Variants in CREM observed in about 807,000 individuals in gnomAD.
CREM encodes cAMP responsive element modulator.
Under a neutral mutation model 37.3 loss-of-function variants are expected in CREM, and 13 were observed. The observed-to-expected ratio is 0.35, with a 90% CI of 0.23 to 0.55. CREM has a LOEUF of 0.55. Among genes scored for constraint, CREM ranks in the 20% least tolerant of loss-of-function variants. The pLI is 0.88. For missense variants in CREM, 296 were observed against 362.3 expected (o/e 0.82, Z 1.49); for synonymous variants, 124 against 120.2 (o/e 1.03, Z -0.21).
chr10:35,196,212 T>C (rs914435507), intron 6 of CREM: 16 of 1,053,484 alleles, frequency 1.5e-5, no homozygotes, highest in Non-Finnish European at 2.2e-5. Context: ...TTACTCCATC[T>C]ATAGGAACTT....
At chr10:35,170,029 C>G (rs546820166) in intron 3 of CREM, among the ~76,000 whole-genome samples, 1 of 144,792 alleles carries the variant, frequency 6.9e-6, no homozygotes, top group South Asian at 2.4e-4. Flanking sequence ...GTGGCATGAT[C>G]TTCGCTCACT....
chr10:35,199,708 G>A (rs575098670), intron 6 of CREM, among the ~76,000 whole-genome samples: 1 of 152,200 alleles, frequency 6.6e-6, no homozygotes, highest in East Asian at 1.9e-4. Flanking sequence ...AGCAAGTAGT[G>A]GACCCGTTCG....
chr10:35,188,956 G>A (rs2094781420), intron 6 of CREM, among the ~76,000 whole-genome samples: 1 of 152,078 alleles, frequency 6.6e-6, no homozygotes, highest in Non-Finnish European at 1.5e-5. Flanking sequence ...TTACAGACGT[G>A]AGCCACCGCA....
chr10:35,128,439 T>C (rs1057228539), intron 1 of CREM, among the ~76,000 whole-genome samples: 9 of 152,184 alleles, frequency 5.9e-5, no homozygotes, highest in Non-Finnish European at 8.8e-5. Context: ...GCTGTGAACA[T>C]TGCATCAGAT....
At chr10:35,197,411 TTTTACTTTA>T (rs1162637199) in intron 6 of CREM, among the ~76,000 whole-genome samples, 1 of 148,558 alleles carries the variant, frequency 6.7e-6, no homozygotes, top group African/African-American at 2.5e-5. Context: ...TTTTATTTCA[TTTTACTTTA>T]TTTATTTATT....
chr10:35,184,387 C>T (rs528978549), intron 5 of CREM, among the ~76,000 whole-genome samples: 1 of 152,284 alleles, frequency 6.6e-6, no homozygotes, highest in East Asian at 1.9e-4. Context: ...ACAGTTTTCT[C>T]CTCAAATCTC....
intron 7 of CREM, among the ~76,000 whole-genome samples, chr10:35,209,633 A>T (rs1384791036): frequency 6.6e-6 from 1 of 152,204 alleles, no homozygotes. Flanking sequence ...TAGGTCTTTA[A>T]ATTTTTCATT....
intron 5 of CREM, among the ~76,000 whole-genome samples, chr10:35,187,697 GTTT>G (rs1300977271): frequency 6.6e-6 from 1 of 151,660 alleles, no homozygotes; most frequent in East Asian, 2.0e-4. Context: ...TAGAGACAGG[GTTT>G]TCCTGTGTTG....
chr10:35,192,084 T>A (rs2094941585), intron 6 of CREM, among the ~76,000 whole-genome samples: 2 of 152,194 alleles, frequency 1.3e-5, no homozygotes, highest in African/African-American at 4.8e-5. Flanking sequence ...GCCTGGGTGC[T>A]ATCCCTCTGA....
chr10:35,183,122 G>GT (rs755926554), intron 5 of CREM, among the ~76,000 whole-genome samples: 4 of 151,980 alleles, frequency 2.6e-5, no homozygotes, highest in Non-Finnish European at 5.9e-5. Flanking sequence ...CAAGACTTCA[G>GT]TTTTTTTCCC....
At chr10:35,168,940 C>G (rs2093677179) in intron 3 of CREM, among the ~76,000 whole-genome samples, 1 of 152,188 alleles carries the variant, frequency 6.6e-6, no homozygotes. Context: ...GGGCTCTGTT[C>G]TGTTCCATCG....
intron 3 of CREM, among the ~76,000 whole-genome samples, chr10:35,156,829 T>C (rs1200098158): frequency 6.6e-6 from 1 of 152,172 alleles, no homozygotes; most frequent in Non-Finnish European, 1.5e-5. Flanking sequence ...AAAACAGACA[T>C]AGTTCAGGAA....
intron 7 of CREM, among the ~76,000 whole-genome samples, chr10:35,208,981 G>C (rs943929495): frequency 6.6e-6 from 1 of 152,154 alleles, no homozygotes; most frequent in Non-Finnish European, 1.5e-5. Flanking sequence ...GAGAATAGGT[G>C]ATTATTATGC....
At chr10:35,157,670 A>G (rs1310283160) in intron 3 of CREM, among the ~76,000 whole-genome samples, 1 of 150,504 alleles carries the variant, frequency 6.6e-6, no homozygotes, top group Non-Finnish European at 1.5e-5. Context: ...ACAGATGCCC[A>G]TTTTTGCCAC....
intron 3 of CREM, among the ~76,000 whole-genome samples, chr10:35,172,332 A>C (rs117303930): frequency 1.3e-5 from 2 of 152,162 alleles, no homozygotes; most frequent in East Asian, 3.9e-4. Context: ...GCTGTTTTCA[A>C]AGTGTGGTGT....
At chr10:35,202,576 A>C (rs2095412310) in intron 6 of CREM, among the ~76,000 whole-genome samples, 1 of 152,268 alleles carries the variant, frequency 6.6e-6, no homozygotes, top group East Asian at 1.9e-4. Context: ...ATATCTTTTT[A>C]AATGTACTTT....
Position 35,149,889 on chromosome 10 carries a change from A to AACACACACACACACACACACACACAC in CREM, c.168+1423_168+1448dup, listed in dbSNP as rs55971717. On this transcript the variant is annotated intron_variant, in intron 3 of 7. Coordinates refer to ENST00000685392, the MANE Select transcript of CREM (RefSeq NM_183011.2). Reference sequence around the variant, plus strand: ...TAGGTTAGGCCAGGCCTTTTGCTTAAACACACACACACACACACACACACA... The same window carrying AACACACACACACACACACACACACAC: ...TAGGTTAGGCCAGGCCTTTTGCTTAAACACACACACACACACACACACACACACACACACACACACACACACACACA... Among the ~76,000 whole-genome samples, 40 of 111,828 alleles carry AACACACACACACACACACACACACAC rather than the reference A, an allele frequency of 3.6e-4. 1 individual carries two copies. The highest frequency in any genetic ancestry group is 5.6e-4 in the Non-Finnish European group (31 of 54,934). 73.4% of individuals were successfully genotyped at this position (111,828 alleles called of 152,430 possible). A position where few individuals can be genotyped will look rare whatever the true frequency, so the allele number is the denominator to read the frequency against.
At chr10:35,191,882 A>G (rs1000677200) in intron 6 of CREM, among the ~76,000 whole-genome samples, 1 of 152,132 alleles carries the variant, frequency 6.6e-6, no homozygotes, top group East Asian at 1.9e-4. Flanking sequence ...ATGGCCACAC[A>G]TACCTCTGAC....
intron 6 of CREM, among the ~76,000 whole-genome samples, chr10:35,198,415 C>T (rs896381426): frequency 1.3e-5 from 2 of 151,296 alleles, no homozygotes; most frequent in Non-Finnish European, 2.9e-5. Flanking sequence ...CTCAGCTACT[C>T]GGGAAGCTGA....
Sources: gnomAD v4.1 joint callset for allele counts (sites outside exome capture counted in the v4.1 genomes callset) on GRCh38, gnomAD v4.1.1 for gene constraint, MANE v1.5 for transcripts, NCBI Gene and HGNC (gene_info 2026-07-23, HGNC 2026-07-21) for gene names.